The following MPHOSPH9 variants were observed in gnomAD, a reference collection of about 807,000 sequenced individuals.
The protein encoded by MPHOSPH9 is M-phase phosphoprotein 9.
A neutral mutation model predicts 145.5 loss-of-function variants in MPHOSPH9; 88 were observed. The ratio of observed to expected loss-of-function variants is 0.60; its 90% CI spans 0.51 to 0.72. MPHOSPH9 has a LOEUF of 0.72. Ranked by LOEUF, MPHOSPH9 falls within the 30% of genes least tolerant of loss-of-function variation. The pLI is 0.00. For missense variants in MPHOSPH9, 1,238 were observed against 1,386.6 expected (o/e 0.89, Z 1.70); for synonymous variants, 435 against 486.2 (o/e 0.89, Z 1.39).
In MPHOSPH9 at chr12:123,159,197, C is replaced by T. The variant is rs1387646573; in HGVS notation, c.3450+1584G>A. On this transcript the variant is annotated intron_variant, in intron 23 of 23. Coordinates refer to ENST00000606320, the MANE Select transcript of MPHOSPH9 (RefSeq NM_022782.4). This position sits in a 1 kb window ranked among gnomAD's most constrained non-coding sequence, Gnocchi z 4.3. ...ATTCTTTTTCAGAGACGGAGTCTTGCTCTGTCACCCAGGCCGAGTGCAGTG... is the reference window on the plus strand; with the variant it reads ...ATTCTTTTTCAGAGACGGAGTCTTGTTCTGTCACCCAGGCCGAGTGCAGTG... Among the ~76,000 whole-genome samples the T allele has an allele frequency of 6.6e-6, 1 of 152,100 alleles. No homozygotes were observed. Among genetic ancestry groups the T allele is most frequent in the Non-Finnish European group, 1.5e-5 (1 of 68,006 alleles).
upstream of MPHOSPH9, among the ~76,000 whole-genome samples, chr12:123,235,999 G>C (rs930394413): frequency 6.6e-6 from 1 of 152,068 alleles, no homozygotes; most frequent in Non-Finnish European, 1.5e-5. Context: ...GGGAGGCAAA[G>C]GTTGTAGTGA....
chr12:123,218,390 T>C lies in MPHOSPH9; in HGVS notation c.982A>G (p.Thr328Ala). Residue 328 changes from threonine (T) to alanine (A), a missense_variant, in exon 6 of 24, where the codon ACA (threonine) becomes GCA (alanine). Transcript: ENST00000606320. ...SKQGNEQSKK[T>A]PIEKSDFAAA... is the part of the protein sequence containing the mutation. ...TAGTCACCTACTTTCTCAATTGGTGTCTTCTTACTTTGCTCATTTCCTTGT... is the reference window on the plus strand; with the variant it reads ...TAGTCACCTACTTTCTCAATTGGTGCCTTCTTACTTTGCTCATTTCCTTGT... 1 of 1,614,118 alleles carries C rather than the reference T, an allele frequency of 6.2e-7. No homozygotes were observed. The highest frequency in any genetic ancestry group is 8.5e-7 in the Non-Finnish European group (1 of 1,179,962).
chr12:123,223,431 C>T (rs915393511), intron 3 of MPHOSPH9, among the ~76,000 whole-genome samples: 1 of 152,180 alleles, frequency 6.6e-6, no homozygotes, highest in African/African-American at 2.4e-5. Context: ...AGCATCTTTC[C>T]ACTCCTAAGC....
intron 13 of MPHOSPH9, among the ~76,000 whole-genome samples, chr12:123,183,185 T>G (rs540071026): frequency 2.6e-5 from 4 of 151,980 alleles, no homozygotes; most frequent in Non-Finnish European, 5.9e-5. Flanking sequence ...ATGAAGAAAT[T>G]AAAGAGAAAA....
At position 123,155,593 on chromosome 12, in the gene MPHOSPH9, A is replaced by T. The variant is rs1469523077; in HGVS notation, c.*1214T>A. The T allele has an allele frequency of 6.6e-6, 1 of 152,252 alleles. No homozygotes were observed. The highest frequency in any genetic ancestry group is 2.4e-5 in the African/African-American group (1 of 41,460). 9.4% of individuals were successfully genotyped at this position (152,252 alleles called of 1,614,324 possible). A position where few individuals can be genotyped will look rare whatever the true frequency, so the allele number is the denominator to read the frequency against. ...TGGATGAGTCTGTTTATCAACATGT[A>T]CCGAGCTGGAATATGTGGGGCACTG... On this transcript the variant is annotated 3_prime_UTR_variant, in exon 24 of 24. Transcript: ENST00000606320.
Position 123,160,851 on chromosome 12 carries a change from T to G in MPHOSPH9, c.3382-2A>C. On this transcript the variant is annotated splice_acceptor_variant, in intron 22 of 23. Coordinates refer to ENST00000606320, the MANE Select transcript of MPHOSPH9 (RefSeq NM_022782.4). LOFTEE classifies it high-confidence loss of function. Reference sequence around the variant, plus strand: ...CATCCTGCTTAGTGCTGCCTCAATCTGTTAACACACGAAAAAAATATGTTT... The same window carrying G: ...CATCCTGCTTAGTGCTGCCTCAATCGGTTAACACACGAAAAAAATATGTTT... The G allele has an allele frequency of 6.2e-7, 1 of 1,613,450 alleles. No individual in the cohort carries two copies. The highest frequency in any genetic ancestry group is 8.5e-7 in the Non-Finnish European group (1 of 1,179,830).
intron 18 of MPHOSPH9, among the ~76,000 whole-genome samples, chr12:123,164,295 T>C (rs1445967473): frequency 1.3e-5 from 2 of 152,218 alleles, no homozygotes; most frequent in Middle Eastern, 3.2e-3. Context: ...AAATGCTTGA[T>C]GAAGAAAAAT....
At position 123,221,503 on chromosome 12, in the gene MPHOSPH9, A is replaced by C. The variant is rs147530417; in HGVS notation, c.741T>G (p.Asn247Lys). The change falls in exon 5 of 24, where the codon AAT becomes AAG. Residue 247 changes from asparagine to lysine, a missense_variant. Asn to Lys is a moderately conservative substitution (Grantham distance 94). Around this residue, in one of 3 missense-constraint regions of MPHOSPH9, gnomAD observed 837 missense variants for 897.5 expected, o/e 0.93. Transcript: ENST00000606320. ...ACTCTTCAGGAGTCTGTATATAAAA[A>C]TTCTCATTTTTCACACCATCTACAA... is the stretch of plus-strand genomic sequence containing the variant. ...ESLVDGVKNE[N>K]FYIQTPEECH... 1.4e-5 allele frequency: 22 copies of C among 1,614,082 alleles called. No individual in the cohort carries two copies. Among genetic ancestry groups the C allele is most frequent in the Non-Finnish European group, 1.7e-5 (20 of 1,180,038 alleles).
intron 18 of MPHOSPH9, 45 bp from the exon 19 acceptor site, chr12:123,164,135 A>AAGC (rs2044218937): frequency 6.2e-7 from 1 of 1,611,008 alleles, no homozygotes; most frequent in Non-Finnish European, 8.5e-7. Flanking sequence ...AAATCAAAAC[A>AAGC]AGCCTACGCT....
rs550252908 is a variant in MPHOSPH9 at position 123,160,916 on chromosome 12, A to G, written c.3382-67T>C. ...GAGGTTTATCACACAGAATGGAAAG[A>G]AAAGGTTTTGGCTTAGTATTTCCTT... On this transcript the variant is annotated intron_variant, in intron 22 of 23. Transcript: ENST00000606320. 5.5e-5 allele frequency: 85 copies of G among 1,540,020 alleles called. No homozygotes were observed. In the East Asian group the frequency reaches 1.1e-3, roughly 19 times the overall value.
At chr12:123,172,355 CAG>C (rs1169968977) in intron 16 of MPHOSPH9, among the ~76,000 whole-genome samples, 2 of 149,624 alleles carry the variant, frequency 1.3e-5, no homozygotes, top group Non-Finnish European at 3.0e-5. Flanking sequence ...TTTTTTGAGA[CAG>C]AGTCTCACTT....
chr12:123,198,677 G>A (rs541941774), intron 11 of MPHOSPH9, among the ~76,000 whole-genome samples: 34 of 151,870 alleles, frequency 2.2e-4, no homozygotes, highest in South Asian at 1.7e-3. Context: ...GGGCATGGTG[G>A]CATGTGCCTG....
chr12:123,163,098 G>A lies in MPHOSPH9; in HGVS notation c.2945C>T (p.Ala982Val), dbSNP rs780937675. ...TTTAGGGGATCGCTTTGGACTATAA[G>A]CCACAGTCACTGGTGTTAGCATAAT... is the stretch of plus-strand genomic sequence containing the variant. Reference protein sequence around the residue: ...REIMLTPVTVAYSPKRSPKEN... With the variant: ...REIMLTPVTVVYSPKRSPKEN... The change falls in exon 20 of 24, where the codon GCT (alanine) becomes GTT (valine). Residue 982 changes from alanine to valine, a missense_variant. Coordinates refer to ENST00000606320, the MANE Select transcript of MPHOSPH9 (RefSeq NM_022782.4). 2 of 1,590,034 alleles carry A rather than the reference G, an allele frequency of 1.3e-6. No homozygotes were observed. The highest frequency in any genetic ancestry group is 1.2e-5 in the South Asian group (1 of 85,270).
chr12:123,221,294 T>C (rs2047191144), intron 5 of MPHOSPH9, 78 bp downstream of exon 5: 1 of 1,139,214 alleles, frequency 8.8e-7, no homozygotes, highest in Middle Eastern at 2.9e-4. Context: ...ATACATCTCA[T>C]TCTATTATAG....
At chr12:123,201,251 G>A (rs1593173755) in intron 11 of MPHOSPH9, among the ~76,000 whole-genome samples, 1 of 129,498 alleles carries the variant, frequency 7.7e-6, no homozygotes, top group Non-Finnish European at 1.8e-5. Context: ...TTGTTTTTTT[G>A]AAAGTTAAAC....
At chr12:123,182,261 G>GTGT (rs1555220932) in intron 13 of MPHOSPH9, among the ~76,000 whole-genome samples, 1 of 61,800 alleles carries the variant, frequency 1.6e-5, no homozygotes, top group African/African-American at 3.4e-5. Context: ...TTTTTTTTTT[G>GTGT]TTTTTTTTTT....
upstream of MPHOSPH9, chr12:123,233,455 C>A (rs552684339): frequency 3.9e-5 from 6 of 152,412 alleles, no homozygotes; most frequent in African/African-American, 1.2e-4. Flanking sequence ...GATCAGGGAT[C>A]GCGATTGCGA....
At chr12:123,190,029 CAT>C (rs1039750344) in intron 13 of MPHOSPH9, among the ~76,000 whole-genome samples, 5 of 151,956 alleles carry the variant, frequency 3.3e-5, no homozygotes, top group African/African-American at 1.2e-4. Context: ...CATACATACA[CAT>C]GTGACCATAC....
At chr12:123,216,292 A>T (rs528847807) in intron 6 of MPHOSPH9, among the ~76,000 whole-genome samples, 1 of 152,348 alleles carries the variant, frequency 6.6e-6, no homozygotes, top group East Asian at 1.9e-4. Context: ...AAGAATGGTG[A>T]TATCAGGAAG....
Sources: gnomAD v4.1 joint callset for allele counts (sites outside exome capture counted in the v4.1 genomes callset) on GRCh38, gnomAD v4.1.1 for gene constraint, gnomAD v4.1.1 regional missense constraint, Gnocchi (gnomAD v3.1) non-coding constraint, MANE v1.5 for transcripts, NCBI Gene and HGNC (gene_info 2026-07-23, HGNC 2026-07-21) for gene names.